The following TOX variants were observed in gnomAD, a reference collection of about 807,000 sequenced individuals.
TOX encodes the protein thymocyte selection associated high mobility group box, also known as thymocyte selection-associated high mobility group box protein TOX.
In TOX, 11 loss-of-function variants were observed where a neutral mutation model predicts 53.7. The ratio of observed to expected loss-of-function variants is 0.20; its 90% confidence interval spans 0.13 to 0.34. The LOEUF is 0.34. Among genes scored for constraint, TOX ranks in the 10% least tolerant of loss-of-function variants. The probability of loss-of-function intolerance (pLI) is 1.00; values close to 1 mark genes in which losing one functional copy is unlikely to be tolerated. For missense variants in TOX, 570 were observed against 664.6 expected (o/e 0.86, Z 1.56); for synonymous variants, 225 against 245.3 (o/e 0.92, Z 0.77).
intron 1 of TOX, among the ~76,000 whole-genome samples, chr8:59,105,218 A>G (rs1043752813): frequency 1.3e-5 from 2 of 152,354 alleles, no homozygotes; most frequent in Admixed American, 6.5e-5. Context: ...ATAAGAAGTT[A>G]TAATGGAAAC....
chr8:58,976,332 T>A (rs1813099686), intron 1 of TOX, among the ~76,000 whole-genome samples: 1 of 152,256 alleles, frequency 6.6e-6, no homozygotes, highest in Admixed American at 6.5e-5. Flanking sequence ...TGCTTATCCA[T>A]ATGAAGACTC....
chr8:58,992,763 C>T (rs1449745503), intron 1 of TOX: 2 of 152,172 alleles, frequency 1.3e-5, no homozygotes, highest in Non-Finnish European at 2.9e-5. Flanking sequence ...ACTCTTGTCA[C>T]TTAAACATTT....
intron 3 of TOX, among the ~76,000 whole-genome samples, chr8:58,884,740 T>C (rs1351573949): frequency 6.6e-6 from 1 of 152,184 alleles, no homozygotes; most frequent in Non-Finnish European, 1.5e-5. Context: ...AAAAATTCTT[T>C]TTAACTTTGG....
intron 6 of TOX, among the ~76,000 whole-genome samples, chr8:58,824,174 T>C (rs1228085002): frequency 6.6e-6 from 1 of 152,156 alleles, no homozygotes; most frequent in Non-Finnish European, 1.5e-5. Context: ...TGCAGGTCAA[T>C]GTCAGCCTTG....
At chr8:58,952,312 G>A (rs1485802025) in intron 2 of TOX, among the ~76,000 whole-genome samples, 4 of 152,160 alleles carry the variant, frequency 2.6e-5, no homozygotes, top group African/African-American at 9.7e-5. Flanking sequence ...ATAGACAGGT[G>A]ACATTATTCA....
chr8:58,908,569 G>T (rs1811858337), intron 3 of TOX, among the ~76,000 whole-genome samples: 1 of 152,148 alleles, frequency 6.6e-6, no homozygotes, highest in East Asian at 1.9e-4. Flanking sequence ...GCTGATTCAT[G>T]AGCAACTTCT....
chr8:59,007,107 T>C (rs1208149673), intron 1 of TOX, among the ~76,000 whole-genome samples: 1 of 152,194 alleles, frequency 6.6e-6, no homozygotes, highest in East Asian at 1.9e-4. Flanking sequence ...AACAATAGTG[T>C]ATTTCCAGGA....
chr8:58,833,005 C>T (rs190953212), intron 5 of TOX, among the ~76,000 whole-genome samples: 13 of 152,334 alleles, frequency 8.5e-5, no homozygotes, highest in Admixed American at 7.2e-4. Flanking sequence ...TAAATCCACT[C>T]TCCTCTTCCA....
intron 4 of TOX, among the ~76,000 whole-genome samples, chr8:58,849,176 G>A (rs779082161): frequency 1.3e-5 from 2 of 152,040 alleles, no homozygotes; most frequent in Non-Finnish European, 2.9e-5. Context: ...GATTTGAATT[G>A]GAGACAAGGT....
At chr8:59,085,932 A>G (rs759050273) in intron 1 of TOX, among the ~76,000 whole-genome samples, 2 of 151,564 alleles carry the variant, frequency 1.3e-5, no homozygotes, top group Non-Finnish European at 2.9e-5. Flanking sequence ...AACCATTCCA[A>G]CAAAACCCAT....
intron 3 of TOX, among the ~76,000 whole-genome samples, chr8:58,879,913 T>G (rs1401190840): frequency 6.6e-6 from 1 of 152,226 alleles, no homozygotes. Flanking sequence ...AACCCATTTT[T>G]AATACTTTGC....
intron 3 of TOX, among the ~76,000 whole-genome samples, chr8:58,920,721 T>TAAAAAAAAAAAAAAAAAAAAAA (rs5891703): frequency 3.7e-5 from 3 of 81,062 alleles, no homozygotes; most frequent in South Asian, 5.7e-4. Context: ...AAAAAAACAT[T>TAAAAAAAAAAAAAAAAAAAAAA]AAAAAAAAAA....
chr8:58,878,169 G>T (rs181486988), intron 3 of TOX, among the ~76,000 whole-genome samples: 16 of 151,598 alleles, frequency 1.1e-4, no homozygotes, highest in Non-Finnish European at 1.8e-4. Context: ...ATAGGAGGGT[G>T]GAAAGAGGCA....
intron 4 of TOX, among the ~76,000 whole-genome samples, chr8:58,843,281 A>G (rs1402554657): frequency 1.3e-5 from 2 of 152,258 alleles, no homozygotes; most frequent in Non-Finnish European, 2.9e-5. Context: ...AAGGATACAC[A>G]TAAAATATTC....
chr8:58,871,173 A>C (rs1328959859), intron 3 of TOX, among the ~76,000 whole-genome samples: 2 of 79,534 alleles, frequency 2.5e-5, no homozygotes, highest in East Asian at 3.4e-4. Context: ...GAAGCCAGTC[A>C]AAAAAAAAAA....
chr8:59,101,275 T>C (rs1197400809), intron 1 of TOX, among the ~76,000 whole-genome samples: 1 of 152,214 alleles, frequency 6.6e-6, no homozygotes, highest in Non-Finnish European at 1.5e-5. Context: ...AGATTTTTTT[T>C]CTTTTTCTAT....
intron 3 of TOX, among the ~76,000 whole-genome samples, chr8:58,927,855 G>A (rs974026444): frequency 2.0e-5 from 3 of 152,090 alleles, no homozygotes; most frequent in Non-Finnish European, 2.9e-5. Context: ...GCAGAGAGGT[G>A]GAATCACTTC....
chr8:58,830,775 A>C (rs1283400330), intron 5 of TOX, among the ~76,000 whole-genome samples: 1 of 152,178 alleles, frequency 6.6e-6, no homozygotes, highest in East Asian at 1.9e-4. Context: ...GATTCTATCC[A>C]AAAACTAAAG....
intron 1 of TOX, among the ~76,000 whole-genome samples, chr8:59,047,797 C>G (rs1803716553): frequency 6.6e-6 from 1 of 152,120 alleles, no homozygotes; most frequent in Admixed American, 6.6e-5. Context: ...TTCAAAACAT[C>G]ACAGAATTCA....
Sources: gnomAD v4.1 joint callset for allele counts (sites outside exome capture counted in the v4.1 genomes callset) on GRCh38, gnomAD v4.1.1 for gene constraint, MANE v1.5 for transcripts, NCBI Gene and HGNC (gene_info 2026-07-23, HGNC 2026-07-21) for gene names.